SDK1: variants seen among roughly 807,000 people sequenced by gnomAD.
SDK1 encodes sidekick cell adhesion molecule 1.
In SDK1, 157 loss-of-function variants were observed where a neutral mutation model predicts 245.5. The ratio of observed to expected loss-of-function variants is 0.64; its 90% confidence interval spans 0.56 to 0.73. The LOEUF is 0.73. Among genes scored for constraint, SDK1 ranks in the 30% least tolerant of loss-of-function variants. The probability of loss-of-function intolerance (pLI) is 0.00; values close to 1 mark genes in which losing one functional copy is unlikely to be tolerated. For synonymous variants in SDK1, 1,647 were observed against 1,278.5 expected (o/e 1.29, Z -6.15); for missense variants, 3,583 against 3,002.3 (o/e 1.19, Z -4.52).
intron 4 of SDK1, among the ~76,000 whole-genome samples, chr7:3,714,245 C>G (rs1440878952): frequency 2.0e-5 from 3 of 152,198 alleles, no homozygotes; most frequent in African/African-American, 2.4e-5. Context: ...AGGCCTTGAT[C>G]ACTCCTTGTG....
intron 4 of SDK1, among the ~76,000 whole-genome samples, chr7:3,669,425 C>T (rs1435523961): frequency 6.6e-6 from 1 of 152,154 alleles, no homozygotes. Flanking sequence ...CCCACCAAAA[C>T]AGAATCATCT....
intron 1 of SDK1, among the ~76,000 whole-genome samples, chr7:3,457,037 T>C (rs1280109934): frequency 6.6e-6 from 1 of 152,178 alleles, no homozygotes; most frequent in Admixed American, 6.5e-5. Context: ...CCTGGCTGCC[T>C]GGGAACTTTA....
chr7:3,323,743 C>CA (rs1779874977), intron 1 of SDK1, among the ~76,000 whole-genome samples: 1 of 152,198 alleles, frequency 6.6e-6, no homozygotes, highest in African/African-American at 2.4e-5. Flanking sequence ...TCCCTGCCTT[C>CA]AGGTTAAATG....
chr7:3,321,767 CTTCCTTCCTT>C (rs1230451235), intron 1 of SDK1, among the ~76,000 whole-genome samples: 2 of 91,504 alleles, frequency 2.2e-5, no homozygotes, highest in African/African-American at 9.2e-5. Context: ...CCCTCCCTTC[CTTCCTTCCTT>C]CTCCTTCCTT....
At chr7:3,468,636 G>A (rs1360696651) in intron 1 of SDK1, among the ~76,000 whole-genome samples, 1 of 140,680 alleles carries the variant, frequency 7.1e-6, no homozygotes, top group South Asian at 2.2e-4. Context: ...ATACCCAGAA[G>A]GAAGGAGTAT....
intron 4 of SDK1, among the ~76,000 whole-genome samples, chr7:3,812,367 G>A (rs1292633424): frequency 1.1e-4 from 16 of 152,128 alleles, no homozygotes; most frequent in South Asian, 2.1e-4. Context: ...GAAAACAAAG[G>A]TGTATCTGAA....
At chr7:4,198,224 C>T (rs1406515563) in intron 35 of SDK1, among the ~76,000 whole-genome samples, 1 of 152,212 alleles carries the variant, frequency 6.6e-6, no homozygotes. Context: ...CCACCTTCTG[C>T]TAGCGGCCCA....
chr7:4,193,926 C>T (rs988766507), intron 35 of SDK1, among the ~76,000 whole-genome samples: 9 of 152,188 alleles, frequency 5.9e-5, no homozygotes, highest in African/African-American at 2.2e-4. Context: ...AAACTCCTTG[C>T]CTCTCACGAG....
At chr7:4,255,646 A>G (rs147857745) in intron 44 of SDK1, among the ~76,000 whole-genome samples, 71 of 152,286 alleles carry the variant, frequency 4.7e-4, no homozygotes, top group African/African-American at 1.6e-3. Context: ...CTTCTTCAAC[A>G]TGGAGTTGGG....
chr7:3,486,142 C>G (rs1781687483), intron 1 of SDK1, among the ~76,000 whole-genome samples: 1 of 151,798 alleles, frequency 6.6e-6, no homozygotes, highest in African/African-American at 2.4e-5. Flanking sequence ...GTTATTTGGT[C>G]TTTTGTTTTC....
chr7:3,778,932 G>A (rs930745946), intron 4 of SDK1, among the ~76,000 whole-genome samples: 1 of 152,160 alleles, frequency 6.6e-6, no homozygotes, highest in African/African-American at 2.4e-5. Flanking sequence ...TAAAGAATCT[G>A]TTAGTTTTGT....
chr7:3,519,757 A>T (rs1442823700), intron 1 of SDK1, among the ~76,000 whole-genome samples: 1 of 152,184 alleles, frequency 6.6e-6, no homozygotes, highest in Non-Finnish European at 1.5e-5. Flanking sequence ...TCATTAAATA[A>T]GAGGAGACTC....
intron 1 of SDK1, among the ~76,000 whole-genome samples, chr7:3,556,249 A>G (rs1779584588): frequency 6.6e-6 from 1 of 152,158 alleles, no homozygotes; most frequent in Non-Finnish European, 1.5e-5. Flanking sequence ...GAAAAATGAG[A>G]TCCTGTCATT....
At chr7:3,534,229 T>C (rs1052062713) in intron 1 of SDK1, among the ~76,000 whole-genome samples, 5 of 151,802 alleles carry the variant, frequency 3.3e-5, no homozygotes, top group African/African-American at 9.6e-5. Flanking sequence ...AGGATTTCGC[T>C]CTTTTTTTTA....
At chr7:3,517,293 A>G (rs949864431) in intron 1 of SDK1, among the ~76,000 whole-genome samples, 1 of 152,156 alleles carries the variant, frequency 6.6e-6, no homozygotes, top group Non-Finnish European at 1.5e-5. Context: ...TTTGTAGAGC[A>G]CTAATGTTTA....
chr7:3,685,540 G>A (rs181925107), intron 4 of SDK1, among the ~76,000 whole-genome samples: 1 of 152,264 alleles, frequency 6.6e-6, no homozygotes, highest in Non-Finnish European at 1.5e-5. Context: ...CAGAAAAATA[G>A]GGGCAAATAT....
chr7:3,411,413 C>G (rs1433977388), intron 1 of SDK1, among the ~76,000 whole-genome samples: 1 of 152,114 alleles, frequency 6.6e-6, no homozygotes, highest in Non-Finnish European at 1.5e-5. Context: ...AACATATGAT[C>G]CAATAACATA....
chr7:3,921,068 A>G (rs949212577), intron 5 of SDK1, among the ~76,000 whole-genome samples: 1 of 152,200 alleles, frequency 6.6e-6, no homozygotes, highest in Non-Finnish European at 1.5e-5. Flanking sequence ...TTTCTTTTTT[A>G]TTAGATGAGC....
intron 1 of SDK1, among the ~76,000 whole-genome samples, chr7:3,473,899 G>T (rs776060872): frequency 1.3e-5 from 2 of 151,898 alleles, no homozygotes; most frequent in South Asian, 4.2e-4. Flanking sequence ...TACCACAGCA[G>T]TGAAGGGTAG....
Sources: allele counts gnomAD v4.1 joint callset (sites outside exome capture counted in the v4.1 genomes callset), GRCh38; gene constraint gnomAD v4.1.1; transcripts MANE v1.5; gene names NCBI Gene and HGNC (gene_info 2026-07-23, HGNC 2026-07-21).